The following MYOF variants were observed in gnomAD, a reference collection of about 807,000 sequenced individuals.
MYOF encodes the protein myoferlin.
MYOF carries 244 observed loss-of-function variants against 284.2 expected under a neutral mutation model. That is an observed-to-expected ratio of 0.86 (90% CI 0.77 to 0.95). The LOEUF (loss-of-function observed/expected upper bound fraction) is 0.95. Among genes scored for constraint, MYOF ranks in the 40% least tolerant of loss-of-function variants. MYOF has a pLI of 0.00. For synonymous variants in MYOF, 904 were observed against 919.7 expected (o/e 0.98, Z 0.31); for missense variants, 2,496 against 2,560.6 (o/e 0.97, Z 0.54).
chr10:93,423,525 GAAAAAAAAAAAA>G (rs59012520), intron 5 of MYOF, among the ~76,000 whole-genome samples: 7 of 14,874 alleles, frequency 4.7e-4, no homozygotes, highest in Admixed American at 2.6e-3. Flanking sequence ...GACTCCATCT[GAAAAAAAAAAAA>G]AAAAAAAAAA....
At position 93,456,962 on chromosome 10, in the gene MYOF, C is replaced by T. The variant is rs371566005; in HGVS notation, c.89-25G>A. 3.2e-6 allele frequency: 5 copies of T among 1,557,160 alleles called. No homozygotes were observed. In the South Asian group the frequency reaches 4.6e-5, roughly 14 times the overall value. The stretch of plus-strand genomic sequence containing the variant: ...TCTGCAAAAGAGATAAAGGAAGAGA[C>T]AGCAATCATTTATAAAAAAATTAAA... On this transcript the variant is annotated intron_variant, in intron 1 of 53. Transcript: ENST00000359263.
In MYOF at chr10:93,426,140, T is replaced by A; in HGVS notation, c.364A>T (p.Ile122Phe). 6.4e-7 allele frequency: 1 copy of A among 1,559,350 alleles called. No individual in the cohort carries two copies. ...GGAGCAGAAGGCGGATCATAGCCGA[T>A]CACCAAGTCAATGGTGGCCTGGGTA... is the stretch of plus-strand genomic sequence containing the variant. ...QDTGATIDLV[I>F]GYDPPSAPHP... Residue 122 changes from isoleucine to phenylalanine, a missense_variant, in exon 5 of 54, where the codon ATC (isoleucine) becomes TTC (phenylalanine). Ile to Phe is a conservative substitution (Grantham distance 21). Transcript: ENST00000359263.
At chr10:93,382,733 C>G (rs942853464) in intron 19 of MYOF, among the ~76,000 whole-genome samples, 2 of 152,162 alleles carry the variant, frequency 1.3e-5, no homozygotes, top group South Asian at 2.1e-4. Context: ...AGGCACTGTG[C>G]CTTCTTTTAC....
intron 1 of MYOF, among the ~76,000 whole-genome samples, chr10:93,476,682 G>A (rs1434230751): frequency 6.6e-6 from 1 of 152,024 alleles, no homozygotes; most frequent in Non-Finnish European, 1.5e-5. Flanking sequence ...TTTCAGATAA[G>A]CCATTACAGC....
At chr10:93,440,273 G>A (rs12245899) in intron 3 of MYOF, among the ~76,000 whole-genome samples, 11,156 of 152,154 alleles carry the variant, frequency 0.073, 1,352 homozygotes, top group African/African-American at 0.25. Flanking sequence ...TTAGTCGGGC[G>A]TGGTGGCGGG....
At chr10:93,308,246 A>AAAAT (rs1045901662) in intron 53 of MYOF, among the ~76,000 whole-genome samples, 1 of 150,446 alleles carries the variant, frequency 6.6e-6, no homozygotes, top group Admixed American at 6.6e-5. Context: ...CCATCTCAAA[A>AAAAT]AAAATAAAAA....
chr10:93,408,198 C>G (rs1032992589), intron 7 of MYOF, among the ~76,000 whole-genome samples: 2 of 152,088 alleles, frequency 1.3e-5, no homozygotes, highest in Non-Finnish European at 2.9e-5. Flanking sequence ...CATCATTTAG[C>G]TTTTAGATAT....
Position 93,351,681 on chromosome 10 carries a change from A to G in MYOF, c.3647T>C (p.Phe1216Ser), listed in dbSNP as rs1844522244. ...ACGACCTACCACTTGGTCATTGTCA[A>G]AAAGTTCCATGATAACTTTGGGTGG... The part of the protein sequence containing the change: ...QNPPKVIMEL[F>S]DNDQVGKDEF... The change falls in exon 33 of 54, where the codon TTT becomes TCT. Residue 1216 changes from phenylalanine to serine, a missense_variant. By Grantham distance (155) the Phe-to-Ser change is radical. This residue lies in a region of MYOF where 2,436 missense variants were observed against 2,480.7 expected (regional missense o/e 0.98). Coordinates refer to ENST00000359263, the MANE Select transcript of MYOF (RefSeq NM_013451.4). 1.3e-6 allele frequency: 2 copies of G among 1,585,830 alleles called. No individual in the cohort carries two copies. The highest frequency in any genetic ancestry group is 2.3e-5 in the South Asian group (2 of 86,262).
chr10:93,380,333 C>T (rs576030485), intron 20 of MYOF, among the ~76,000 whole-genome samples: 1 of 152,242 alleles, frequency 6.6e-6, no homozygotes, highest in South Asian at 2.1e-4. Flanking sequence ...ATGTTAGTCC[C>T]TAAAAACTGT....
intron 5 of MYOF, among the ~76,000 whole-genome samples, chr10:93,415,075 C>G (rs891392632): frequency 6.6e-6 from 1 of 151,994 alleles, no homozygotes; most frequent in African/African-American, 2.4e-5. Context: ...TTCCAATTTG[C>G]TTCCTCTCTT....
At chr10:93,448,145 C>A (rs766875169) in intron 3 of MYOF, among the ~76,000 whole-genome samples, 3 of 152,196 alleles carry the variant, frequency 2.0e-5, no homozygotes, top group African/African-American at 4.8e-5. Context: ...ATCCCCAGTG[C>A]ACTCCTGCCT....
In MYOF at chr10:93,316,703, G is replaced by C. The variant is rs763265485; in HGVS notation, c.5698+11C>G. The C allele has an allele frequency of 1.3e-6, 2 of 1,594,868 alleles. No homozygotes were observed. Among genetic ancestry groups the C allele is most frequent in the South Asian group, 2.2e-5 (2 of 90,564 alleles). On this transcript the variant is annotated intron_variant, in intron 50 of 53. Transcript: ENST00000359263. Reference sequence around the variant, plus strand: ...GTTTCTTAGAAACAATGATCCAAATGTAAGCCCTACCCAAGTAGTCATCCA... The same window carrying C: ...GTTTCTTAGAAACAATGATCCAAATCTAAGCCCTACCCAAGTAGTCATCCA...
intron 10 of MYOF, 86 bp downstream of exon 10, chr10:93,402,774 C>G: frequency 1.6e-6 from 2 of 1,287,496 alleles, no homozygotes. Flanking sequence ...TTGATCCCCC[C>G]CAAATTGTCT....
At chr10:93,361,252 G>T (rs1211260493) in intron 28 of MYOF, among the ~76,000 whole-genome samples, 200 bp downstream of exon 28, 1 of 152,132 alleles carries the variant, frequency 6.6e-6, no homozygotes, top group Non-Finnish European at 1.5e-5. Context: ...AGGTGGTAAT[G>T]CTCACTTGCC....
Position 93,347,787 on chromosome 10 carries a change from G to T in MYOF, c.4084-5C>A, listed in dbSNP as rs1255348655. On this transcript the variant is annotated splice_region_variant and splice_polypyrimidine_tract_variant and intron_variant, in intron 36 of 53. Transcript: ENST00000359263. ...CAATTCCTCCTTGGGCAAGAACTGG[G>T]GGTCACAAAGGTAGGTTTCATTTCT... The T allele has an allele frequency of 6.2e-7, 1 of 1,606,764 alleles. No homozygotes were observed. Among genetic ancestry groups the T allele is most frequent in the East Asian group, 2.2e-5 (1 of 44,572 alleles).
chr10:93,438,264 C>T (rs1301783602), intron 3 of MYOF, among the ~76,000 whole-genome samples: 2 of 152,294 alleles, frequency 1.3e-5, no homozygotes, highest in Middle Eastern at 3.4e-3. Context: ...CCCCATCTCT[C>T]TTCCTTCCCA....
chr10:93,464,010 A>G (rs530411122), intron 1 of MYOF, among the ~76,000 whole-genome samples: 1 of 151,872 alleles, frequency 6.6e-6, no homozygotes, highest in East Asian at 1.9e-4. Flanking sequence ...TTGGTCAAAC[A>G]TAAGTCCAGA....
chr10:93,328,133 G>C (rs984381113), intron 45 of MYOF, among the ~76,000 whole-genome samples: 3 of 152,084 alleles, frequency 2.0e-5, no homozygotes, highest in Non-Finnish European at 2.9e-5. Context: ...TTTTCTTCCT[G>C]TGCACGTTTG....
intron 27 of MYOF, among the ~76,000 whole-genome samples, 197 bp from the exon 28 acceptor site, chr10:93,361,754 C>T (rs1845085526): frequency 6.6e-6 from 1 of 152,006 alleles, no homozygotes; most frequent in Non-Finnish European, 1.5e-5. Flanking sequence ...GTTTAAACTA[C>T]CTTTTGTTTT....
Sources: allele counts gnomAD v4.1 joint callset (sites outside exome capture counted in the v4.1 genomes callset), GRCh38; gene constraint gnomAD v4.1.1; regional missense constraint gnomAD v4.1.1; transcripts MANE v1.5; gene names NCBI Gene and HGNC (gene_info 2026-07-23, HGNC 2026-07-21).